Variants in TMEM143 observed in about 807,000 individuals in gnomAD.
TMEM143 encodes the protein transmembrane protein 143.
TMEM143 carries 45 observed loss-of-function variants against 40.3 expected under a neutral mutation model. That is an observed-to-expected ratio of 1.12 (90% CI 0.88 to 1.43). The LOEUF is 1.43. TMEM143 is among the 40% of genes most tolerant of loss of function. The pLI is 0.00. For synonymous variants in TMEM143, 299 were observed against 282.7 expected, an observed-to-expected ratio of 1.06 and a Z score of -0.58; for missense variants, 620 against 613.4, an observed-to-expected ratio of 1.01 and a Z score of -0.11.
At chr19:48,358,941 G>A (rs1969970864) in intron 3 of TMEM143, among the ~76,000 whole-genome samples, 1 of 152,108 alleles carries the variant, frequency 6.6e-6, no homozygotes, top group Non-Finnish European at 1.5e-5. Flanking sequence ...GGCCAAGGCG[G>A]GTGGATCACT....
At chr19:48,336,426 G>A (rs1807387674) in intron 6 of TMEM143, among the ~76,000 whole-genome samples, 1 of 152,148 alleles carries the variant, frequency 6.6e-6, no homozygotes, top group Non-Finnish European at 1.5e-5. Context: ...TTGGGAGGCT[G>A]AGGCAGGAGA....
At chr19:48,339,772 A>G (rs1261898237) in intron 6 of TMEM143, among the ~76,000 whole-genome samples, 3 of 152,124 alleles carry the variant, frequency 2.0e-5, no homozygotes, top group Non-Finnish European at 4.4e-5. Flanking sequence ...TCTGTCACCG[A>G]GGCTGGAATG....
At chr19:48,335,802 G>A (rs892594515) in intron 6 of TMEM143, among the ~76,000 whole-genome samples, 2 of 152,128 alleles carry the variant, frequency 1.3e-5, no homozygotes. Flanking sequence ...GCTGAAGCAG[G>A]AGAATCACCT....
intron 4 of TMEM143, 83 bp from the exon 5 acceptor site, chr19:48,343,534 C>T: frequency 1.4e-6 from 2 of 1,475,578 alleles, no homozygotes; most frequent in East Asian, 5.0e-5. Context: ...GATGTCCTGC[C>T]CCTAAATAAT....
rs34945058 is a variant in TMEM143 at position 48,356,429 on chromosome 19, CTT to C, written c.369+3641_369+3642del. On this transcript the variant is annotated intron_variant, in intron 3 of 7. Coordinates refer to ENST00000293261, the MANE Select transcript of TMEM143 (RefSeq NM_018273.4). ...GCGTGAGTCACCACGCCCGGCCCTC[CTT>C]TTTTTTTTTTTTTTTGAGACAGAAT... is the stretch of plus-strand genomic sequence containing the variant. Among the ~76,000 whole-genome samples, 642 of 118,472 alleles carry C rather than the reference CTT, an allele frequency of 5.4e-3. 11 individuals carry two copies. The highest frequency in any genetic ancestry group is 0.019 in the African/African-American group (608 of 31,252). 77.7% of individuals were successfully genotyped at this position (118,472 alleles called of 152,430 possible). A position where few individuals can be genotyped will look rare whatever the true frequency, so the allele number is the denominator to read the frequency against.
intron 3 of TMEM143, among the ~76,000 whole-genome samples, chr19:48,358,209 C>A (rs1969953175): frequency 6.6e-6 from 1 of 151,926 alleles, no homozygotes; most frequent in Non-Finnish European, 1.5e-5. Flanking sequence ...CATGGTGAAA[C>A]CCCATCTCTA....
chr19:48,347,505 G>C (rs1969661298), intron 3 of TMEM143, among the ~76,000 whole-genome samples: 1 of 151,934 alleles, frequency 6.6e-6, no homozygotes, highest in South Asian at 2.1e-4. Context: ...TTGAATCCAG[G>C]AGTTTGAGAC....
At position 48,343,350 on chromosome 19, in the gene TMEM143, G is replaced by A; in HGVS notation, c.666C>T (p.Gly222=). ...CCGCAGGGGGCAGCTTGGTGAAGAA[G>A]CCACGCCTGGAGCCCACGCTGGACT... is the stretch of plus-strand genomic sequence containing the variant. ...PLKSSVGSRR[G]FFTKLPPAER... The change falls in exon 5 of 8, where the codon GGC becomes GGT. Residue 222 remains glycine (G), a synonymous_variant. Transcript: ENST00000293261. The A allele has an allele frequency of 6.2e-7, 1 of 1,610,782 alleles. No homozygotes were observed. Among genetic ancestry groups the A allele is most frequent in the East Asian group, 2.2e-5 (1 of 44,840 alleles).
chr19:48,342,904 G>A lies in TMEM143; in HGVS notation c.696-95C>T, dbSNP rs540350893. The A allele has an allele frequency of 2.6e-5, 36 of 1,400,822 alleles. No homozygotes were observed. The East Asian group carries it at 5.9e-4, about 23-fold the overall frequency. 86.8% of individuals were successfully genotyped at this position (1,400,822 alleles called of 1,614,324 possible). ...GGACGCTCACTCTGGCTCTACAGTCGCACAACCATCTTAAAAGCGACTCAG... is the reference window on the plus strand; with the variant it reads ...GGACGCTCACTCTGGCTCTACAGTCACACAACCATCTTAAAAGCGACTCAG... On this transcript the variant is annotated intron_variant, in intron 5 of 7. Coordinates refer to ENST00000293261, the MANE Select transcript of TMEM143 (RefSeq NM_018273.4).
intron 3 of TMEM143, among the ~76,000 whole-genome samples, chr19:48,346,154 C>T (rs767457954): frequency 3.6e-4 from 55 of 151,394 alleles, no homozygotes; most frequent in Non-Finnish European, 4.6e-4. Context: ...TACAGTGGTG[C>T]AATCTCAGCT....
At chr19:48,350,686 C>T (rs920299128) in intron 3 of TMEM143, among the ~76,000 whole-genome samples, 5 of 152,068 alleles carry the variant, frequency 3.3e-5, no homozygotes. Context: ...CTTTGGGAGG[C>T]TGAGGCAGGC....
chr19:48,360,178 T>C lies in TMEM143; in HGVS notation c.265-2A>G. 1.2e-6 allele frequency: 2 copies of C among 1,614,018 alleles called. No individual in the cohort carries two copies. Among genetic ancestry groups the C allele is most frequent in the Non-Finnish European group, 1.7e-6 (2 of 1,179,922 alleles). The stretch of plus-strand genomic sequence containing the variant: ...CTCTGCCGGACTCGAGTGGAATTCC[T>C]GTTACCTCAGGAAGCAAAACTTCTC... On this transcript the variant is annotated splice_acceptor_variant, in intron 2 of 7. Transcript: ENST00000293261. LOFTEE classifies it high-confidence loss of function.
rs184076723 is a variant in TMEM143 at position 48,340,040 on chromosome 19, T to C, written c.975+2490A>G. ...CACTGCACCCAGCCAAGGGCCCACA[T>C]GTAAAGGCTGGGCCTCACCCCAAGG... is the stretch of plus-strand genomic sequence containing the variant. On this transcript the variant is annotated intron_variant, in intron 6 of 7. Coordinates refer to ENST00000293261, the MANE Select transcript of TMEM143 (RefSeq NM_018273.4). Among the ~76,000 whole-genome samples the C allele has an allele frequency of 1.1e-3, 161 of 151,276 alleles. 3 individuals are homozygous for C. Among genetic ancestry groups the C allele is most frequent in the African/African-American group, 3.7e-3 (154 of 41,178 alleles).
At chr19:48,338,950 A>G (rs1569024958) in intron 6 of TMEM143, among the ~76,000 whole-genome samples, 1 of 152,154 alleles carries the variant, frequency 6.6e-6, no homozygotes, top group Non-Finnish European at 1.5e-5. Flanking sequence ...GTCCAAGGGA[A>G]CAGCACAGGC....
At chr19:48,357,599 G>A (rs421045) in intron 3 of TMEM143, among the ~76,000 whole-genome samples, 110,358 of 150,886 alleles carry the variant, frequency 0.73, 40,480 homozygotes, top group East Asian at 0.83. Context: ...CTCATGCTCC[G>A]CCTGCCTTGT....
At chr19:48,334,452 TTC>T (rs1200887038) in intron 6 of TMEM143, among the ~76,000 whole-genome samples, 2 of 46,252 alleles carry the variant, frequency 4.3e-5, no homozygotes, top group African/African-American at 1.8e-4. Context: ...CTTTCTTTCT[TTC>T]TTTCTTTCTT....
intron 6 of TMEM143, 152 bp from the exon 7 acceptor site, chr19:48,334,349 C>T (rs1969294298): frequency 3.3e-6 from 2 of 614,748 alleles, no homozygotes; most frequent in Non-Finnish European, 5.2e-6. Context: ...TACGGGTCCC[C>T]AGAGCTCAGT....
chr19:48,339,841 G>C (rs1969450038), intron 6 of TMEM143, among the ~76,000 whole-genome samples: 1 of 152,156 alleles, frequency 6.6e-6, no homozygotes, highest in Non-Finnish European at 1.5e-5. Context: ...TGATTCTCCT[G>C]CCTCAGCCTC....
chr19:48,356,968 G>A (rs1600924067), intron 3 of TMEM143, among the ~76,000 whole-genome samples: 3 of 125,840 alleles, frequency 2.4e-5, no homozygotes. Context: ...GCAGTGGCGC[G>A]ATCTCGGTTC....
Sources: gnomAD v4.1 joint callset for allele counts (sites outside exome capture counted in the v4.1 genomes callset) on GRCh38, gnomAD v4.1.1 for gene constraint, MANE v1.5 for transcripts, NCBI Gene and HGNC (gene_info 2026-07-23, HGNC 2026-07-21) for gene names.